PBX4: variants seen among roughly 807,000 people sequenced by gnomAD.
The protein encoded by PBX4 is pre-B-cell leukemia transcription factor 4.
PBX4 carries 26 observed loss-of-function variants against 35.1 expected under a neutral mutation model. That is an observed-to-expected ratio of 0.74 (90% CI 0.54 to 1.03). The LOEUF is 1.03. PBX4 is among the 50% of genes least tolerant of loss of function. PBX4 has a pLI of 0.00. For missense variants in PBX4, 448 were observed against 504.3 expected (o/e 0.89, Z 1.07); for synonymous variants, 199 against 204.2 (o/e 0.97, Z 0.22).
intron 1 of PBX4, among the ~76,000 whole-genome samples, chr19:19,599,993 T>A (rs1329179998): frequency 3.5e-5 from 5 of 144,630 alleles, no homozygotes; most frequent in South Asian, 4.4e-4. Context: ...AAAAAAAAAA[T>A]TCGCCAGGAA....
chr19:19,618,123 T>C (rs1433033233), intron 1 of PBX4, among the ~76,000 whole-genome samples: 1 of 152,072 alleles, frequency 6.6e-6, no homozygotes, highest in African/African-American at 2.4e-5. Context: ...ATCACGCCAC[T>C]GCACTCCAGC....
intron 2 of PBX4, among the ~76,000 whole-genome samples, chr19:19,574,209 A>G (rs1416048451): frequency 6.6e-6 from 1 of 152,174 alleles, no homozygotes. Flanking sequence ...AAGTCTATGA[A>G]AAATCATCAC....
chr19:19,589,695 G>A (rs1314768321), intron 2 of PBX4, among the ~76,000 whole-genome samples: 7 of 151,096 alleles, frequency 4.6e-5, no homozygotes, highest in African/African-American at 1.7e-4. Flanking sequence ...GCTTGAACCC[G>A]GGAAGTGGAG....
At chr19:19,618,422 G>T in intron 1 of PBX4, 89 bp downstream of exon 1, 2 of 1,221,592 alleles carry the variant, frequency 1.6e-6, no homozygotes, top group South Asian at 2.0e-5. Context: ...AGCGCCCCTC[G>T]TCAGTCTGGC....
At chr19:19,592,948 A>G (rs956683446) in intron 2 of PBX4, among the ~76,000 whole-genome samples, 3 of 151,952 alleles carry the variant, frequency 2.0e-5, no homozygotes, top group Non-Finnish European at 4.4e-5. Flanking sequence ...TGCCCTGGGG[A>G]GGCCCCTGTC....
At chr19:19,592,202 C>A (rs2061532907) in intron 2 of PBX4, among the ~76,000 whole-genome samples, 1 of 152,174 alleles carries the variant, frequency 6.6e-6, no homozygotes, top group African/African-American at 2.4e-5. Context: ...CATCTTAAAT[C>A]CAACGCTTTC....
chr19:19,581,115 G>A (rs762883449), intron 2 of PBX4, among the ~76,000 whole-genome samples: 5 of 152,202 alleles, frequency 3.3e-5, no homozygotes, highest in Admixed American at 2.0e-4. Flanking sequence ...TGCCTACAGC[G>A]AGGCCAGCAC....
chr19:19,573,003 T>C (rs897295663), intron 2 of PBX4, among the ~76,000 whole-genome samples: 4 of 151,076 alleles, frequency 2.6e-5, no homozygotes, highest in African/African-American at 9.7e-5. Context: ...ACAAACCTGG[T>C]GCTTAATACA....
At chr19:19,591,509 G>T (rs552025005) in intron 2 of PBX4, among the ~76,000 whole-genome samples, 1 of 152,314 alleles carries the variant, frequency 6.6e-6, no homozygotes, top group African/African-American at 2.4e-5. Context: ...GCACAGCAAG[G>T]GTTCCTGCAG....
chr19:19,598,907 A>G lies in PBX4; in HGVS notation c.193+385T>C, dbSNP rs116151326. On this transcript the variant is annotated intron_variant, in intron 2 of 7. Transcript: ENST00000251203. ...TGCCGCAGCTCTAGTCACACACAGGAAGTGCCTTTTTTTTTTTTTTTTTTT... is the reference window on the plus strand; with the variant it reads ...TGCCGCAGCTCTAGTCACACACAGGGAGTGCCTTTTTTTTTTTTTTTTTTT... Among the ~76,000 whole-genome samples the G allele has an allele frequency of 8.7e-3, 1,270 of 145,412 alleles. 26 individuals carry two copies. Among genetic ancestry groups the G allele is most frequent in the African/African-American group, 0.03 (1,180 of 39,412 alleles).
At chr19:19,593,847 C>T (rs2061543170) in intron 2 of PBX4, among the ~76,000 whole-genome samples, 1 of 152,032 alleles carries the variant, frequency 6.6e-6, no homozygotes, top group Non-Finnish European at 1.5e-5. Flanking sequence ...TCCTGAGTGG[C>T]CAGGCACAGT....
chr19:19,579,205 C>T (rs1386280493), intron 2 of PBX4, among the ~76,000 whole-genome samples: 1 of 151,950 alleles, frequency 6.6e-6, no homozygotes, highest in Non-Finnish European at 1.5e-5. Flanking sequence ...AAAAATTAGC[C>T]GGGCATGGTG....
chr19:19,605,840 A>ATTTTTTTTTTTTTTTTT (rs71338333), intron 1 of PBX4, among the ~76,000 whole-genome samples: 2 of 123,092 alleles, frequency 1.6e-5, no homozygotes, highest in Non-Finnish European at 3.4e-5. Flanking sequence ...AGGCTCTAGG[A>ATTTTTTTTTTTTTTTTT]TTTTTTTTTT....
intron 2 of PBX4, chr19:19,579,838 C>G (rs1436588950): frequency 6.6e-6 from 1 of 152,390 alleles, no homozygotes; most frequent in Admixed American, 6.5e-5. Context: ...TCACCTCACG[C>G]TCTCCCTGCT....
intron 2 of PBX4, among the ~76,000 whole-genome samples, chr19:19,577,197 A>C (rs80112065): frequency 2.1e-5 from 3 of 145,350 alleles, no homozygotes; most frequent in Non-Finnish European, 3.0e-5. Context: ...TCCATGTCAA[A>C]AAAAAAAAAA....
At chr19:19,584,443 G>A (rs2061475870) in intron 2 of PBX4, among the ~76,000 whole-genome samples, 1 of 152,028 alleles carries the variant, frequency 6.6e-6, no homozygotes, top group African/African-American at 2.4e-5. Flanking sequence ...AGAAACTCGG[G>A]AGGGGGACAG....
At chr19:19,590,265 GTC>G (rs2061518719) in intron 2 of PBX4, among the ~76,000 whole-genome samples, 1 of 152,004 alleles carries the variant, frequency 6.6e-6, no homozygotes, top group African/African-American at 2.4e-5. Context: ...GAGTCTTCCT[GTC>G]TCTATGGATT....
At chr19:19,578,512 A>G (rs903988529) in intron 2 of PBX4, among the ~76,000 whole-genome samples, 1 of 152,184 alleles carries the variant, frequency 6.6e-6, no homozygotes, top group Non-Finnish European at 1.5e-5. Context: ...CTTGACTGGC[A>G]GGCAGGGAGG....
intron 2 of PBX4, among the ~76,000 whole-genome samples, chr19:19,587,296 T>TAA (rs1434393246): frequency 6.6e-6 from 1 of 152,092 alleles, no homozygotes. Context: ...GTACAAGTGT[T>TAA]AAAACAGTAG....
Sources: allele counts gnomAD v4.1 joint callset (sites outside exome capture counted in the v4.1 genomes callset), GRCh38; gene constraint gnomAD v4.1.1; transcripts MANE v1.5; gene names NCBI Gene and HGNC (gene_info 2026-07-23, HGNC 2026-07-21).